Variants in SLC16A3 observed in about 807,000 individuals in gnomAD.
SLC16A3 encodes the protein monocarboxylate transporter 4.
Under a neutral mutation model 25.0 loss-of-function variants are expected in SLC16A3, and 22 were observed. That is an observed-to-expected ratio of 0.88 (90% CI 0.63 to 1.26). The LOEUF (loss-of-function observed/expected upper bound fraction) is 1.26. SLC16A3 is among the 50% of genes most tolerant of loss of function. The pLI is 0.00. For missense variants in SLC16A3, 731 were observed against 666.6 expected (o/e 1.10, Z -1.06); for synonymous variants, 390 against 309.2 (o/e 1.26, Z -2.74).
At chr17:82,238,597 G>A (rs1371120359) in intron 4 of SLC16A3, 105 bp from the exon 5 acceptor site, 5 of 1,196,282 alleles carry the variant, frequency 4.2e-6, no homozygotes, top group African/African-American at 3.1e-5. Context: ...GAGGCAGACA[G>A]GGTGACCCTT....
intron 3 of SLC16A3, 103 bp downstream of exon 3, chr17:82,236,975 G>A (rs2050618670): frequency 1.3e-5 from 19 of 1,516,388 alleles, no homozygotes; most frequent in Non-Finnish European, 1.6e-5. Flanking sequence ...GCGGGTGGCT[G>A]CGGGGTGTCC....
intron 1 of SLC16A3, chr17:82,235,043 AAGATGGAAGT>A (rs2050574156): frequency 1.3e-5 from 2 of 152,292 alleles, no homozygotes; most frequent in African/African-American, 4.8e-5. Flanking sequence ...GTGGGGCATG[AAGATGGAAGT>A]CTGACCTCGG....
rs1282951857 is a variant in SLC16A3, at chr17:82,232,922, G to GGGC, written c.-26-3059_-26-3058insCGG. ...GGCATGCTTCCTGGGGGGCGGCGGGGGGGGGGTTGGTAAATGTCAGGGGAA... is the reference window on the plus strand; with the variant it reads ...GGCATGCTTCCTGGGGGGCGGCGGGGGGCGGGGGGTTGGTAAATGTCAGGGGAA... On this transcript the variant is annotated intron_variant, in intron 1 of 4. Transcript: ENST00000582743. Among the ~76,000 whole-genome samples, 267 of 150,990 alleles carry GGGC rather than the reference G, an allele frequency of 1.8e-3. 19 individuals are homozygous for GGGC. Among genetic ancestry groups the GGGC allele is most frequent in the Non-Finnish European group, 2.4e-3 (165 of 67,528 alleles).
At chr17:82,237,026 C>T (rs1197582324) in intron 3 of SLC16A3, 112 bp from the exon 4 acceptor site, 6 of 1,451,476 alleles carry the variant, frequency 4.1e-6, no homozygotes, top group Non-Finnish European at 4.6e-6. Context: ...GGGTGGGTGG[C>T]AGGGGCTCTG....
chr17:82,238,718 G>T lies in SLC16A3; in HGVS notation c.1140G>T (p.Ala380=), dbSNP rs764584394. ...TTCCCGCAGGCAAACTCCTGGATGC[G>T]ACCCACGTCTACATGTACGTGTTCA... ...GPPSGGKLLD[A]THVYMYVFIL... The change falls in exon 5 of 5, where the codon GCG becomes GCT. Residue 380 remains alanine, a synonymous_variant. Transcript: ENST00000582743. 3 of 1,610,674 alleles carry T rather than the reference G, an allele frequency of 1.9e-6. No individual in the cohort carries two copies. The highest frequency in any genetic ancestry group is 2.5e-6 in the Non-Finnish European group (3 of 1,179,056).
chr17:82,240,058 C>A lies in SLC16A3; in HGVS notation c.*1082C>A, dbSNP rs868582083. The A allele has an allele frequency of 8.1e-7, 1 of 1,233,822 alleles. No homozygotes were observed. Among genetic ancestry groups the A allele is most frequent in the African/African-American group, 1.5e-5 (1 of 64,594 alleles). The allele number at this position is 1,233,822 out of a possible 1,614,324, so 76.4% of individuals were successfully genotyped here. On this transcript the variant is annotated 3_prime_UTR_variant, in exon 5 of 5. Coordinates refer to ENST00000582743, the MANE Select transcript of SLC16A3 (RefSeq NM_004207.4). ...CAGCCGGAGAGATGCCATGTCCCTGCTCCTCTGCAATGAAAAGCAAGCGAA... is the reference window on the plus strand; with the variant it reads ...CAGCCGGAGAGATGCCATGTCCCTGATCCTCTGCAATGAAAAGCAAGCGAA...
Position 82,238,934 on chromosome 17 carries a change from G to A in SLC16A3, c.1356G>A (p.Glu452=). The change falls in exon 5 of 5, where the codon GAG becomes GAA. Residue 452 remains glutamate, a synonymous_variant. Transcript: ENST00000582743. ...AGCATTTCCTGAAGGCTGAGCCTGA[G>A]AAAAACGGGGAGGTGGTTCACACCC... ...EVEHFLKAEP[E]KNGEVVHTPE... The A allele has an allele frequency of 1.3e-6, 2 of 1,566,064 alleles. No individual in the cohort carries two copies. Among genetic ancestry groups the A allele is most frequent in the African/African-American group, 1.4e-5 (1 of 73,698 alleles).
chr17:82,236,311 A>C (rs1021231445), intron 2 of SLC16A3, 80 bp downstream of exon 2: 1 of 1,315,854 alleles, frequency 7.6e-7, no homozygotes, highest in African/African-American at 1.4e-5. Flanking sequence ...TGGGCTCAGC[A>C]ACAGGGCCTT....
upstream of SLC16A3, among the ~76,000 whole-genome samples, chr17:82,226,564 G>T (rs569206326): frequency 6.6e-6 from 1 of 152,106 alleles, no homozygotes; most frequent in South Asian, 2.1e-4. Flanking sequence ...TTGAGGGAGG[G>T]GCATGACCCC....
upstream of SLC16A3, among the ~76,000 whole-genome samples, chr17:82,225,833 T>C (rs1276953009): frequency 6.6e-6 from 1 of 152,116 alleles, no homozygotes; most frequent in Non-Finnish European, 1.5e-5. Context: ...GGACCTGAGA[T>C]CTGGCCCTGA....
chr17:82,238,805 C>T lies in SLC16A3; in HGVS notation c.1227C>T (p.Cys409=). 1.2e-6 allele frequency: 2 copies of T among 1,612,870 alleles called. No homozygotes were observed. Among genetic ancestry groups the T allele is most frequent in the Non-Finnish European group, 1.7e-6 (2 of 1,179,962 alleles). The change falls in exon 5 of 5, where the codon TGC becomes TGT. Residue 409 remains cysteine, a synonymous_variant. Transcript: ENST00000582743. ...SLILLLGNFF[C]IRKKPKEPQP... is the part of the protein sequence containing the mutation. ...TTTTGCTGCTGGGCAACTTCTTCTG[C>T]ATTAGGAAGAAGCCCAAAGAGCCAC...
At chr17:82,229,829 C>T (rs2050465263) in intron 1 of SLC16A3, 1 of 152,328 alleles carries the variant, frequency 6.6e-6, no homozygotes, top group Admixed American at 6.5e-5. Flanking sequence ...TTGGGCCAGT[C>T]AAGAGACAGG....
At chr17:82,229,041 C>CGGCAGAGGCG (rs920004458), upstream of SLC16A3, 6 of 105,008 alleles carry the variant, frequency 5.7e-5, no homozygotes, top group Admixed American at 5.1e-4. Flanking sequence ...CGGAGCGGAC[C>CGGCAGAGGCG]GGCAGAGGCG....
In SLC16A3 at chr17:82,238,699, C is replaced by T. The variant is rs762131935; in HGVS notation, c.1124-3C>T. On this transcript the variant is annotated splice_polypyrimidine_tract_variant and splice_region_variant and intron_variant, in intron 4 of 4. Coordinates refer to ENST00000582743, the MANE Select transcript of SLC16A3 (RefSeq NM_004207.4). ...GGCTGGGACTGACGGGGTCTTCCCGCAGGCAAACTCCTGGATGCGACCCAC... is the reference window on the plus strand; with the variant it reads ...GGCTGGGACTGACGGGGTCTTCCCGTAGGCAAACTCCTGGATGCGACCCAC... 1.9e-6 allele frequency: 3 copies of T among 1,605,350 alleles called. No individual in the cohort carries two copies. The highest frequency in any genetic ancestry group is 2.7e-5 in the African/African-American group (2 of 74,906).
chr17:82,231,399 CCG>C (rs1483063524), intron 1 of SLC16A3: 2 of 152,322 alleles, frequency 1.3e-5, no homozygotes, highest in African/African-American at 4.8e-5. Context: ...ACCTTCCCCC[CCG>C]GGTCCCCACG....
In SLC16A3 at chr17:82,222,914, T is replaced by G. The variant is rs115701179; in HGVS notation, c.-27+4730T>G. On this transcript the variant is annotated intron_variant, in intron 1 of 4. Coordinates refer to the SLC16A3 transcript ENST00000580098. The stretch of plus-strand genomic sequence containing the variant: ...CACGCTGGTCACAAAGGCCACACCC[T>G]GCAGGGCTCCATTCACATGAAACAT... 6.8e-3 allele frequency among the ~76,000 whole-genome samples: 1,038 copies of G among 151,674 alleles called. 7 individuals carry two copies. Among genetic ancestry groups the G allele is most frequent in the African/African-American group, 0.024 (985 of 41,312 alleles).
At chr17:82,236,559 G>A (rs764169518) in intron 2 of SLC16A3, 170 bp from the exon 3 acceptor site, 5 of 919,906 alleles carry the variant, frequency 5.4e-6, no homozygotes, top group Middle Eastern at 3.5e-4. Flanking sequence ...CGGCGCTCAC[G>A]TGTCATCATG....
chr17:82,237,214 C>A lies in SLC16A3; in HGVS notation c.444C>A (p.Ala148=). Reference sequence around the variant, plus strand: ...ACTTCAGCAAGCGGCGCCCCATGGCCAACGGGCTGGCGGCAGCAGGTAGCC... The same window carrying A: ...ACTTCAGCAAGCGGCGCCCCATGGCAAACGGGCTGGCGGCAGCAGGTAGCC... ...NRYFSKRRPM[A]NGLAAAGSPV... The change falls in exon 4 of 5, where the codon GCC becomes GCA. Residue 148 remains alanine (A), a synonymous_variant. Coordinates refer to ENST00000582743, the MANE Select transcript of SLC16A3 (RefSeq NM_004207.4). 1 of 1,543,984 alleles carries A rather than the reference C, an allele frequency of 6.5e-7. No homozygotes were observed.
chr17:82,225,331 G>A (rs927438777), upstream of SLC16A3, among the ~76,000 whole-genome samples: 1 of 152,214 alleles, frequency 6.6e-6, no homozygotes, highest in African/African-American at 2.4e-5. Context: ...AAGGGAGGGC[G>A]CAGATTTGGG....
Sources: allele counts gnomAD v4.1 joint callset (sites outside exome capture counted in the v4.1 genomes callset), GRCh38; gene constraint gnomAD v4.1.1; transcripts MANE v1.5; gene names NCBI Gene and HGNC (gene_info 2026-07-23, HGNC 2026-07-21).